The following DCC variants were observed in gnomAD, a reference collection of about 807,000 sequenced individuals.
DCC encodes the protein DCC netrin 1 receptor.
Under a neutral mutation model 172.5 loss-of-function variants are expected in DCC, and 58 were observed. That is an observed-to-expected ratio of 0.34 (90% CI 0.27 to 0.42). The LOEUF is 0.42. Ranked by LOEUF, DCC falls within the 10% of genes least tolerant of loss-of-function variation. The probability of loss-of-function intolerance (pLI) is 1.00; values close to 1 mark genes in which losing one functional copy is unlikely to be tolerated. For missense variants in DCC, 1,740 were observed against 1,791.0 expected (o/e 0.97, Z 0.51); for synonymous variants, 709 against 644.5 (o/e 1.10, Z -1.52).
chr18:52,900,154 C>T (rs1051223254), intron 2 of DCC, among the ~76,000 whole-genome samples: 1 of 152,186 alleles, frequency 6.6e-6, no homozygotes, highest in Non-Finnish European at 1.5e-5. Flanking sequence ...TCTGTTACTG[C>T]ATTGAACTAT....
At chr18:53,065,935 CTCT>C in intron 6 of DCC, 108 bp from the exon 7 acceptor site, 1 of 1,340,318 alleles carries the variant, frequency 7.5e-7, no homozygotes, top group Non-Finnish European at 1.1e-6. Flanking sequence ...ATGGCCTCTC[CTCT>C]TGTTTCTTCT....
intron 1 of DCC, among the ~76,000 whole-genome samples, chr18:52,619,109 T>G (rs1224914337): frequency 3.3e-5 from 5 of 152,140 alleles, no homozygotes; most frequent in Admixed American, 6.5e-5. Context: ...AGCTATTTTT[T>G]GCATTTTTAG....
intron 5 of DCC, among the ~76,000 whole-genome samples, chr18:52,954,359 C>A (rs2040707393): frequency 6.6e-6 from 1 of 152,004 alleles, no homozygotes; most frequent in South Asian, 2.1e-4. Context: ...ATTGTCTTAA[C>A]TATTACCAGC....
intron 1 of DCC, among the ~76,000 whole-genome samples, chr18:52,668,770 G>A (rs1482473763): frequency 6.6e-6 from 1 of 152,198 alleles, no homozygotes; most frequent in Admixed American, 6.5e-5. Flanking sequence ...TTCTGTAAGT[G>A]AAGAACAGTT....
At chr18:52,997,385 A>C (rs749771179) in intron 5 of DCC, among the ~76,000 whole-genome samples, 3 of 152,150 alleles carry the variant, frequency 2.0e-5, no homozygotes, top group Non-Finnish European at 4.4e-5. Context: ...AGACTTATTC[A>C]ACATTTTCAA....
chr18:53,289,874 T>C (rs573327832), intron 12 of DCC, among the ~76,000 whole-genome samples: 1 of 152,134 alleles, frequency 6.6e-6, no homozygotes, highest in Non-Finnish European at 1.5e-5. Flanking sequence ...AGGAGAAAAC[T>C]ACTTCAAAAA....
At chr18:52,356,397 CT>C (rs1984365118) in intron 1 of DCC, among the ~76,000 whole-genome samples, 1 of 152,076 alleles carries the variant, frequency 6.6e-6, no homozygotes, top group Non-Finnish European at 1.5e-5. Flanking sequence ...TGCCAAAACC[CT>C]TTATTACTAA....
intron 1 of DCC, among the ~76,000 whole-genome samples, chr18:52,558,782 T>C (rs1232848968): frequency 6.6e-6 from 1 of 152,154 alleles, no homozygotes; most frequent in Non-Finnish European, 1.5e-5. Context: ...CTAGCCAGCA[T>C]CTGAGATGGA....
intron 2 of DCC, chr18:52,892,549 A>C (rs150165357): frequency 6.6e-6 from 1 of 152,240 alleles, no homozygotes; most frequent in African/African-American, 2.4e-5. Flanking sequence ...ACAGAACAAA[A>C]TGTGTTGAGA....
chr18:53,293,979 C>G (rs2057036005), intron 12 of DCC, among the ~76,000 whole-genome samples: 1 of 152,116 alleles, frequency 6.6e-6, no homozygotes, highest in Non-Finnish European at 1.5e-5. Flanking sequence ...CTATTTGACC[C>G]TAATTTACTG....
At chr18:52,883,023 T>TAAAGGA (rs2039509977) in intron 2 of DCC, among the ~76,000 whole-genome samples, 1 of 152,178 alleles carries the variant, frequency 6.6e-6, no homozygotes, top group Non-Finnish European at 1.5e-5. Flanking sequence ...TCTCTCCTGT[T>TAAAGGA]ACAGTTTTGG....
chr18:53,404,246 G>T (rs1214120701), intron 19 of DCC, among the ~76,000 whole-genome samples: 1 of 131,824 alleles, frequency 7.6e-6, no homozygotes, highest in African/African-American at 2.5e-5. Context: ...ATAAAAACAG[G>T]TTCTGATAGA....
At chr18:53,354,613 TG>T (rs1271691629) in intron 15 of DCC, among the ~76,000 whole-genome samples, 1 of 152,164 alleles carries the variant, frequency 6.6e-6, no homozygotes, top group Non-Finnish European at 1.5e-5. Flanking sequence ...TGGGCTTCTT[TG>T]TTTTTTTCTT....
intron 7 of DCC, among the ~76,000 whole-genome samples, chr18:53,150,919 T>C (rs1039115985): frequency 3.3e-5 from 5 of 152,150 alleles, no homozygotes; most frequent in Admixed American, 6.5e-5. Context: ...CTTCAGGCCC[T>C]GTCATGCTGA....
intron 1 of DCC, among the ~76,000 whole-genome samples, chr18:52,610,203 AT>A (rs2034243290): frequency 1.3e-5 from 1 of 77,878 alleles, no homozygotes; most frequent in African/African-American, 6.2e-5. Context: ...ATATATATAT[AT>A]ATATATATAT....
intron 1 of DCC, among the ~76,000 whole-genome samples, chr18:52,610,223 A>ATG (rs2034245022): frequency 1.1e-5 from 1 of 90,660 alleles, no homozygotes; most frequent in Non-Finnish European, 2.1e-5. Flanking sequence ...ATATATATAT[A>ATG]TATAAAATTA....
chr18:53,173,784 A>C (rs2055048904), intron 8 of DCC, among the ~76,000 whole-genome samples: 1 of 141,266 alleles, frequency 7.1e-6, no homozygotes, highest in Non-Finnish European at 1.5e-5. Flanking sequence ...ACAGAAAGTC[A>C]ACAAGGATAC....
chr18:53,136,371 G>T (rs889089081), intron 7 of DCC, among the ~76,000 whole-genome samples: 1 of 151,934 alleles, frequency 6.6e-6, no homozygotes, highest in Non-Finnish European at 1.5e-5. Context: ...CACATGTCAT[G>T]GCCATGCTAA....
intron 12 of DCC, among the ~76,000 whole-genome samples, chr18:53,236,277 A>T (rs1286445869): frequency 6.6e-6 from 1 of 152,174 alleles, no homozygotes; most frequent in Non-Finnish European, 1.5e-5. Flanking sequence ...TCTAATAGGT[A>T]TACAGTTACA....
Sources: gnomAD v4.1 joint callset for allele counts (sites outside exome capture counted in the v4.1 genomes callset) on GRCh38, gnomAD v4.1.1 for gene constraint, MANE v1.5 for transcripts, NCBI Gene and HGNC (gene_info 2026-07-23, HGNC 2026-07-21) for gene names.